ERC1: variants seen among roughly 807,000 people sequenced by gnomAD.
ERC1 encodes ELKS/RAB6-interacting/CAST family member 1.
In ERC1, 56 loss-of-function variants were observed where a neutral mutation model predicts 132.0. That is an observed-to-expected ratio of 0.42 (90% CI 0.34 to 0.53). ERC1 has a LOEUF of 0.53. Ranked by LOEUF, ERC1 falls within the 20% of genes least tolerant of loss-of-function variation. ERC1 has a pLI of 0.03. For missense variants in ERC1, 1,202 were observed against 1,349.9 expected (o/e 0.89, Z 1.72); for synonymous variants, 478 against 476.1 (o/e 1.00, Z -0.05).
Position 1,083,573 on chromosome 12 carries a change from TGA to T in ERC1, c.1085_1086del (p.Glu362GlyfsTer7), listed in dbSNP as rs1942532369. On this transcript the variant is annotated frameshift_variant, in exon 3 of 19. Coordinates refer to ENST00000360905, the MANE Select transcript of ERC1 (RefSeq NM_178040.4). LOFTEE classifies it high-confidence loss of function. ...CAGAAGGAAAAAGAGAACAGTATGT[TGA>T]GAGAGGTATGTGACTACTTTTTTAG... 3 of 1,589,262 alleles carry T rather than the reference TGA, an allele frequency of 1.9e-6. No homozygotes were observed. Among genetic ancestry groups the T allele is most frequent in the Non-Finnish European group, 1.7e-6 (2 of 1,172,618 alleles).
chr12:1,338,912 C>T (rs2083542296), intron 15 of ERC1, among the ~76,000 whole-genome samples: 1 of 152,216 alleles, frequency 6.6e-6, no homozygotes, highest in Admixed American at 6.5e-5. Context: ...GGTTAGGAGT[C>T]CACTGTGCTG....
At chr12:1,141,517 T>G in intron 7 of ERC1, 103 bp from the exon 8 acceptor site, 1 of 899,164 alleles carries the variant, frequency 1.1e-6, no homozygotes, top group East Asian at 2.9e-5. Context: ...TTTTATAGAA[T>G]AACAAAACTC....
chr12:1,405,047 A>G (rs1381452200), intron 16 of ERC1, among the ~76,000 whole-genome samples: 3 of 151,998 alleles, frequency 2.0e-5, no homozygotes, highest in African/African-American at 4.8e-5. Context: ...GTCTGAGGCA[A>G]GAGAATTGCT....
rs568073881 is a variant in ERC1 at position 1,364,661 on chromosome 12, G to A, written c.2781-7172G>A. 5.3e-5 allele frequency among the ~76,000 whole-genome samples: 8 copies of A among 152,224 alleles called. No individual in the cohort carries two copies. The South Asian group carries it at 6.2e-4, about 12-fold the overall frequency. On this transcript the variant is annotated intron_variant, in intron 15 of 18. Transcript: ENST00000360905. The stretch of plus-strand genomic sequence containing the variant: ...AAATAGGGCCCATGTCAGTTCCCAC[G>A]TCCTTAGCCTGAGGTGATTTCTCTC...
Position 1,104,782 on chromosome 12 carries a change from T to A in ERC1, c.1119T>A (p.Asp373Glu). 6.2e-7 allele frequency: 1 copy of A among 1,613,748 alleles called. No homozygotes were observed. The highest frequency in any genetic ancestry group is 8.5e-7 in the Non-Finnish European group (1 of 1,179,636). Residue 373 changes from aspartate (D) to glutamate (E), a missense_variant, in exon 4 of 19, where the codon GAT (aspartate) becomes GAA (glutamate). Transcript: ENST00000360905. ...ATCGAAGGTTTGAGAATGCTCCTGA[T>A]TCTGCCAAAACAAAAGCTCTGCAAA... ...EMHRRFENAP[D>E]SAKTKALQTV... is the part of the protein sequence containing the mutation.
chr12:1,047,250 G>A (rs926551935), intron 2 of ERC1, among the ~76,000 whole-genome samples: 3 of 152,042 alleles, frequency 2.0e-5, no homozygotes, highest in African/African-American at 4.8e-5. Flanking sequence ...AATATTTATC[G>A]TGTTGTTCTT....
intron 16 of ERC1, among the ~76,000 whole-genome samples, chr12:1,378,108 T>C (rs2088166363): frequency 6.6e-6 from 1 of 152,216 alleles, no homozygotes. Context: ...TATATTGTTT[T>C]GTATATGAAA....
At chr12:1,142,255 T>C (rs554968501) in intron 8 of ERC1, among the ~76,000 whole-genome samples, 1 of 152,328 alleles carries the variant, frequency 6.6e-6, no homozygotes, top group Non-Finnish European at 1.5e-5. Flanking sequence ...ATACAAATCT[T>C]ACTGTTCCTT....
chr12:1,476,030 G>A (rs953670875), intron 18 of ERC1, among the ~76,000 whole-genome samples: 2 of 151,516 alleles, frequency 1.3e-5, no homozygotes, highest in East Asian at 1.9e-4. Flanking sequence ...TTGGGAGGCC[G>A]AGGTGGGTGG....
At chr12:1,094,664 G>C (rs1162739356) in intron 3 of ERC1, among the ~76,000 whole-genome samples, 1 of 152,066 alleles carries the variant, frequency 6.6e-6, no homozygotes, top group Non-Finnish European at 1.5e-5. Context: ...GCTGGTCTTG[G>C]CTTCCCAAAT....
chr12:1,366,399 A>C (rs2086666820), intron 15 of ERC1, among the ~76,000 whole-genome samples: 1 of 152,222 alleles, frequency 6.6e-6, no homozygotes, highest in African/African-American at 2.4e-5. Flanking sequence ...CAAACTATGT[A>C]AGTGCTGAAA....
chr12:1,439,325 A>G (rs1027265960), intron 17 of ERC1, among the ~76,000 whole-genome samples: 3 of 152,232 alleles, frequency 2.0e-5, no homozygotes, highest in African/African-American at 7.2e-5. Context: ...CCTAAAGACC[A>G]TCAGTTATCC....
intron 16 of ERC1, among the ~76,000 whole-genome samples, chr12:1,401,580 T>C (rs953463312): frequency 2.0e-5 from 3 of 152,296 alleles, no homozygotes; most frequent in Admixed American, 1.3e-4. Context: ...TGAATGTCGC[T>C]AAGTTATTTA....
chr12:1,270,148 G>C (rs2077733115), intron 14 of ERC1, among the ~76,000 whole-genome samples: 1 of 152,068 alleles, frequency 6.6e-6, no homozygotes, highest in African/African-American at 2.4e-5. Context: ...ATATGATGAA[G>C]GTTTCTTAGT....
intron 1 of ERC1, among the ~76,000 whole-genome samples, chr12:1,013,935 C>A (rs185693096): frequency 6.6e-6 from 1 of 151,858 alleles, no homozygotes; most frequent in East Asian, 1.9e-4. Flanking sequence ...GAGGTCTTGC[C>A]GTGTTGCCCA....
In ERC1 at chr12:1,263,310, T is replaced by C; in HGVS notation, c.2619+145T>C. On this transcript the variant is annotated intron_variant, in intron 14 of 18. Coordinates refer to ENST00000360905, the MANE Select transcript of ERC1 (RefSeq NM_178040.4). ...TAGAGGAGAAGTCCCAAGGAGTTCC[T>C]TCATAGCGGTATTAGATACAAGGAT... 3 of 682,762 alleles carry C rather than the reference T, an allele frequency of 4.4e-6. No individual in the cohort carries two copies. The South Asian group carries it at 7.8e-5, about 18-fold the overall frequency. The allele number at this position is 682,762 out of a possible 1,614,324, so 42.3% of individuals were successfully genotyped here.
chr12:1,155,734 GT>G (rs1379211166), intron 8 of ERC1, among the ~76,000 whole-genome samples: 1 of 152,114 alleles, frequency 6.6e-6, no homozygotes, highest in Non-Finnish European at 1.5e-5. Context: ...GCCTCCCAAA[GT>G]GCTGGGATTA....
intron 18 of ERC1, among the ~76,000 whole-genome samples, chr12:1,483,592 A>T (rs925187592): frequency 2.8e-5 from 4 of 142,284 alleles, no homozygotes; most frequent in African/African-American, 1.0e-4. Flanking sequence ...TGCAAAATTG[A>T]TGTTGCTTGT....
At chr12:1,130,969 A>C (rs1948707315) in intron 7 of ERC1, among the ~76,000 whole-genome samples, 1 of 152,190 alleles carries the variant, frequency 6.6e-6, no homozygotes, top group Non-Finnish European at 1.5e-5. Context: ...GTTTAAATTC[A>C]GTTATTTAAC....
Sources: gnomAD v4.1 joint callset for allele counts (sites outside exome capture counted in the v4.1 genomes callset) on GRCh38, gnomAD v4.1.1 for gene constraint, MANE v1.5 for transcripts, NCBI Gene and HGNC (gene_info 2026-07-23, HGNC 2026-07-21) for gene names.